NEGR1: variants seen among roughly 807,000 people sequenced by gnomAD.
NEGR1 encodes IgLON family member 4.
In NEGR1, 10 loss-of-function variants were observed where a neutral mutation model predicts 40.9. The ratio of observed to expected loss-of-function variants is 0.24; its 90% CI spans 0.15 to 0.42. The LOEUF (loss-of-function observed/expected upper bound fraction) is 0.42. NEGR1 is among the 10% of genes least tolerant of loss of function. The pLI is 1.00. For missense variants in NEGR1, 352 were observed against 438.9 expected (o/e 0.80, Z 1.77); for synonymous variants, 185 against 166.8 (o/e 1.11, Z -0.84).
intron 2 of NEGR1, among the ~76,000 whole-genome samples, chr1:71,819,022 GGC>G (rs1294232099): frequency 1.3e-5 from 2 of 151,846 alleles, no homozygotes; most frequent in Admixed American, 6.6e-5. Flanking sequence ...GAAGCCAGTG[GGC>G]CTTTTATATT....
chr1:71,771,416 C>G (rs34557021), intron 3 of NEGR1, among the ~76,000 whole-genome samples: 2 of 151,958 alleles, frequency 1.3e-5, no homozygotes, highest in African/African-American at 4.8e-5. Flanking sequence ...ACTGCACGTT[C>G]TGCACACGTA....
intron 1 of NEGR1, among the ~76,000 whole-genome samples, chr1:72,138,212 A>C (rs1650541630): frequency 6.6e-6 from 1 of 151,686 alleles, no homozygotes; most frequent in African/African-American, 2.4e-5. Flanking sequence ...ATTTTATTTT[A>C]GTTCATACAA....
intron 2 of NEGR1, among the ~76,000 whole-genome samples, chr1:71,913,714 T>A (rs550832173): frequency 4.3e-4 from 65 of 152,314 alleles, no homozygotes; most frequent in African/African-American, 1.4e-3. Flanking sequence ...GCATTTCTAA[T>A]CTTTTATAAC....
intron 1 of NEGR1, among the ~76,000 whole-genome samples, chr1:72,196,389 T>A (rs1156713991): frequency 6.6e-6 from 1 of 152,136 alleles, no homozygotes; most frequent in Non-Finnish European, 1.5e-5. Context: ...ATTTTTTATT[T>A]GCTTTTGTCT....
At chr1:71,882,282 C>A (rs1464184764) in intron 2 of NEGR1, among the ~76,000 whole-genome samples, 1 of 152,030 alleles carries the variant, frequency 6.6e-6, no homozygotes, top group East Asian at 1.9e-4. Context: ...TTCCTCAGTC[C>A]TGCGGAAGGC....
intron 2 of NEGR1, among the ~76,000 whole-genome samples, chr1:71,917,421 G>T (rs183735484): frequency 3.9e-5 from 6 of 152,134 alleles, no homozygotes; most frequent in Admixed American, 6.6e-5. Context: ...GAATTTGAAG[G>T]GTTCAGAGAT....
intron 2 of NEGR1, among the ~76,000 whole-genome samples, chr1:71,835,537 C>T (rs552532812): frequency 2.0e-5 from 3 of 152,198 alleles, no homozygotes; most frequent in East Asian, 1.9e-4. Flanking sequence ...TTTGCAATTT[C>T]ATGGTTCTAA....
intron 4 of NEGR1, among the ~76,000 whole-genome samples, chr1:71,685,261 T>C (rs1366807975): frequency 1.3e-5 from 2 of 152,144 alleles, no homozygotes; most frequent in Non-Finnish European, 2.9e-5. Flanking sequence ...GGTTTACTTT[T>C]AGCATTTAGT....
intron 1 of NEGR1, among the ~76,000 whole-genome samples, chr1:72,173,964 T>C (rs563472759): frequency 1.3e-5 from 2 of 152,116 alleles, no homozygotes; most frequent in East Asian, 1.9e-4. Flanking sequence ...ATAATAATAA[T>C]GATAGTGGCA....
intron 1 of NEGR1, among the ~76,000 whole-genome samples, chr1:71,955,748 T>C (rs190271738): frequency 4.6e-5 from 7 of 152,288 alleles, no homozygotes; most frequent in Non-Finnish European, 8.8e-5. Context: ...TCAGTTATAA[T>C]TCAGCAGTGA....
chr1:71,782,456 A>T (rs1290101098), intron 2 of NEGR1, among the ~76,000 whole-genome samples: 1 of 151,948 alleles, frequency 6.6e-6, no homozygotes, highest in Admixed American at 6.6e-5. Flanking sequence ...TCCTATACTC[A>T]TTTCTTGTGA....
intron 3 of NEGR1, among the ~76,000 whole-genome samples, chr1:71,756,423 A>T (rs1240583324): frequency 7.4e-6 from 1 of 135,028 alleles, no homozygotes; most frequent in East Asian, 2.5e-4. Flanking sequence ...AAAAAAAAAA[A>T]CCAAAAAAAA....
In NEGR1 at chr1:71,899,037, C is replaced by CGT. The variant is rs151106596; in HGVS notation, c.409+36040_409+36041dup. 6.6e-3 allele frequency among the ~76,000 whole-genome samples: 586 copies of CGT among 89,384 alleles called. 5 individuals are homozygous for CGT. The highest frequency in any genetic ancestry group is 0.013 in the African/African-American group (268 of 20,426). 58.6% of individuals were successfully genotyped at this position (89,384 alleles called of 152,430 possible). A position where few individuals can be genotyped will look rare whatever the true frequency, so the allele number is the denominator to read the frequency against. On this transcript the variant is annotated intron_variant, in intron 2 of 6. Transcript: ENST00000357731. The stretch of plus-strand genomic sequence containing the variant: ...ATATGGCAACTAATGTGTGTGTGTG[C>CGT]GTGTGTGTGTGTGTGTATGCCTAGG...
Position 72,211,893 on chromosome 1 carries a change from A to G in NEGR1, c.176+70426T>C, listed in dbSNP as rs573546605. Reference sequence around the variant, plus strand: ...ACTCTGCCTTATAAAAATATCTCTTAGTTCCTCACTGCCTCCTTTACAAAG... The same window carrying G: ...ACTCTGCCTTATAAAAATATCTCTTGGTTCCTCACTGCCTCCTTTACAAAG... On this transcript the variant is annotated intron_variant, in intron 1 of 6. Coordinates refer to ENST00000357731, the MANE Select transcript of NEGR1 (RefSeq NM_173808.3). 1.3e-3 allele frequency among the ~76,000 whole-genome samples: 195 copies of G among 151,964 alleles called. 2 individuals are homozygous for G. Among genetic ancestry groups the G allele is most frequent in the Non-Finnish European group, 1.4e-3 (92 of 67,906 alleles).
At chr1:71,969,306 T>C (rs961683066) in intron 1 of NEGR1, among the ~76,000 whole-genome samples, 3 of 152,144 alleles carry the variant, frequency 2.0e-5, no homozygotes, top group African/African-American at 7.2e-5. Flanking sequence ...TGAGCCACCA[T>C]GCCCAGCCTA....
At chr1:72,036,261 G>A (rs1213038934) in intron 1 of NEGR1, among the ~76,000 whole-genome samples, 1 of 152,036 alleles carries the variant, frequency 6.6e-6, no homozygotes, top group Non-Finnish European at 1.5e-5. Flanking sequence ...ATATAGATGT[G>A]AATTTAGCTT....
At chr1:71,543,886 T>TA (rs1647799825) in intron 6 of NEGR1, among the ~76,000 whole-genome samples, 1 of 151,722 alleles carries the variant, frequency 6.6e-6, no homozygotes, top group African/African-American at 2.4e-5. Flanking sequence ...GAAAAAGCAC[T>TA]AAGTGGTTAA....
At chr1:71,467,249 T>C (rs1646753052) in intron 6 of NEGR1, among the ~76,000 whole-genome samples, 1 of 152,080 alleles carries the variant, frequency 6.6e-6, no homozygotes. Flanking sequence ...ATCCCAAGGC[T>C]GTGTTGGAAG....
intron 1 of NEGR1, among the ~76,000 whole-genome samples, chr1:71,980,928 C>T (rs550887655): frequency 6.6e-6 from 1 of 152,066 alleles, no homozygotes; most frequent in Non-Finnish European, 1.5e-5. Flanking sequence ...ATCATCAAGT[C>T]TATCTTTGTG....
Sources: gnomAD v4.1 joint callset for allele counts (sites outside exome capture counted in the v4.1 genomes callset) on GRCh38, gnomAD v4.1.1 for gene constraint, MANE v1.5 for transcripts, NCBI Gene and HGNC (gene_info 2026-07-23, HGNC 2026-07-21) for gene names.